PDYN: variants seen among roughly 807,000 people sequenced by gnomAD.
The protein encoded by PDYN is proenkephalin-B.
Under a neutral mutation model 11.4 loss-of-function variants are expected in PDYN, and 5 were observed. That is an observed-to-expected ratio of 0.44 (90% CI 0.23 to 0.92). The LOEUF is 0.92. Ranked by LOEUF, PDYN falls within the 40% of genes least tolerant of loss-of-function variation. The pLI, the probability that PDYN is intolerant of heterozygous loss-of-function variation, is 0.24. For missense variants in PDYN, 337 were observed against 317.3 expected, an observed-to-expected ratio of 1.06 and a Z score of -0.47; for synonymous variants, 132 against 129.5, an observed-to-expected ratio of 1.02 and a Z score of -0.13.
intron 2 of PDYN, among the ~76,000 whole-genome samples, chr20:1,987,820 A>G (rs1489760642): frequency 6.6e-6 from 1 of 152,224 alleles, no homozygotes; most frequent in Non-Finnish European, 1.5e-5. Context: ...AACTAAATAA[A>G]TGATCACATT....
chr20:1,983,684 C>G (rs979341169), intron 2 of PDYN, among the ~76,000 whole-genome samples: 18 of 152,182 alleles, frequency 1.2e-4, no homozygotes, highest in African/African-American at 4.3e-4. Flanking sequence ...CTGCTGGCCT[C>G]CCTGCCTGCC....
At chr20:1,990,461 A>G (rs1051503985) in intron 2 of PDYN, among the ~76,000 whole-genome samples, 1 of 152,216 alleles carries the variant, frequency 6.6e-6, no homozygotes, top group African/African-American at 2.4e-5. Context: ...GCCCCTTGTT[A>G]GGTGTTAGCA....
chr20:1,981,496 G>C (rs1187573124), intron 3 of PDYN, among the ~76,000 whole-genome samples: 1 of 152,138 alleles, frequency 6.6e-6, no homozygotes, highest in Non-Finnish European at 1.5e-5. Context: ...GATGACAATA[G>C]CAAAGAATAT....
At chr20:1,989,875 G>C (rs1988356990) in intron 2 of PDYN, among the ~76,000 whole-genome samples, 1 of 152,132 alleles carries the variant, frequency 6.6e-6, no homozygotes, top group Non-Finnish European at 1.5e-5. Flanking sequence ...AGCCAGCAAG[G>C]ACTGAGACGC....
intron 3 of PDYN, 96 bp downstream of exon 3, chr20:1,982,860 C>T (rs1987912700): frequency 7.4e-7 from 1 of 1,346,008 alleles, no homozygotes; most frequent in African/African-American, 1.4e-5. Flanking sequence ...ATCTACAAGA[C>T]AGCACACAGC....
rs775707457 is a variant in PDYN at position 1,980,847 on chromosome 20, C to G, written c.241G>C (p.Asp81His). 1 of 1,614,226 alleles carries G rather than the reference C, an allele frequency of 6.2e-7. No homozygotes were observed. Among genetic ancestry groups the G allele is most frequent in the Non-Finnish European group, 8.5e-7 (1 of 1,180,048 alleles). The part of the protein sequence containing the change: ...PSTLGLNDKE[D>H]LGSKSVGEGP... ...TCCCCAACCGACTTGCTCCCCAAGT[C>G]CTCCTTGTCATTGAGCCCAAGGGTG... is the stretch of plus-strand genomic sequence containing the variant. Residue 81 changes from aspartate (D) to histidine (H), a missense_variant, in exon 4 of 4, where the codon GAC (aspartate) becomes CAC (histidine). Transcript: ENST00000217305.
At chr20:1,988,261 G>A (rs1988279174) in intron 2 of PDYN, among the ~76,000 whole-genome samples, 1 of 152,202 alleles carries the variant, frequency 6.6e-6, no homozygotes, top group Non-Finnish European at 1.5e-5. Context: ...AAGTTCACCT[G>A]GAGTTATGAA....
At chr20:1,985,922 G>T (rs1988156830) in intron 2 of PDYN, among the ~76,000 whole-genome samples, 1 of 152,154 alleles carries the variant, frequency 6.6e-6, no homozygotes, top group Admixed American at 6.5e-5. Context: ...CTGGGGAGGG[G>T]GCGCCTACCA....
intron 2 of PDYN, among the ~76,000 whole-genome samples, chr20:1,989,012 C>T (rs58341700): frequency 2.5e-4 from 38 of 152,252 alleles, no homozygotes; most frequent in African/African-American, 8.7e-4. Context: ...GACTGTAGGG[C>T]CAAGAAAGCC....
chr20:1,985,207 C>G (rs910409603), intron 2 of PDYN, among the ~76,000 whole-genome samples: 4 of 152,136 alleles, frequency 2.6e-5, no homozygotes, highest in Admixed American at 2.6e-4. Flanking sequence ...CAGAACCCCA[C>G]GCTGTAGCCA....
intron 2 of PDYN, among the ~76,000 whole-genome samples, chr20:1,991,896 G>A (rs1988465220): frequency 6.6e-6 from 1 of 152,178 alleles, no homozygotes; most frequent in South Asian, 2.1e-4. Context: ...GATGGGGAGG[G>A]GAAAGGAGCA....
At chr20:1,982,546 G>T (rs576989691) in intron 3 of PDYN, among the ~76,000 whole-genome samples, 3 of 152,304 alleles carry the variant, frequency 2.0e-5, no homozygotes, top group Admixed American at 2.0e-4. Flanking sequence ...CTGTCAGCCA[G>T]ATCTTTGCAT....
At chr20:1,985,867 G>A (rs1988153369) in intron 2 of PDYN, among the ~76,000 whole-genome samples, 1 of 152,180 alleles carries the variant, frequency 6.6e-6, no homozygotes, top group South Asian at 2.1e-4. Context: ...TGATATCAGT[G>A]ATGGCTGGGC....
chr20:1,988,356 T>C lies in PDYN; in HGVS notation c.-20+4228A>G, dbSNP rs7351823. On this transcript the variant is annotated intron_variant, in intron 2 of 3. Coordinates refer to ENST00000217305, the MANE Select transcript of PDYN (RefSeq NM_024411.5). ...ACATTGGCCCTCACAATTTCATAGG[T>C]GATCCTATTTCCTTCCTTTTATAGG... is the stretch of plus-strand genomic sequence containing the variant. 6.1e-3 allele frequency among the ~76,000 whole-genome samples: 925 copies of C among 152,262 alleles called. 9 individuals carry two copies. Among genetic ancestry groups the C allele is most frequent in the Non-Finnish European group, 7.2e-3 (487 of 68,006 alleles).
At chr20:1,985,703 G>C (rs60925214) in intron 2 of PDYN, among the ~76,000 whole-genome samples, 2 of 152,058 alleles carry the variant, frequency 1.3e-5, no homozygotes, top group Non-Finnish European at 2.9e-5. Flanking sequence ...TGGCAAGGTC[G>C]GCTCCCCTGA....
At chr20:1,993,432 A>G (rs1432424019) in intron 1 of PDYN, among the ~76,000 whole-genome samples, 1 of 152,234 alleles carries the variant, frequency 6.6e-6, no homozygotes, top group Non-Finnish European at 1.5e-5. Flanking sequence ...CTGGCCGTAC[A>G]TTGATGTACA....
In PDYN at chr20:1,980,422, G is replaced by A. The variant is rs781181364; in HGVS notation, c.666C>T (p.Asn222=). 6.2e-7 allele frequency: 1 copy of A among 1,614,138 alleles called. No homozygotes were observed. The highest frequency in any genetic ancestry group is 8.5e-7 in the Non-Finnish European group (1 of 1,180,030). Residue 222 remains asparagine (N), a synonymous_variant, in exon 4 of 4, where the codon AAC becomes AAT. Coordinates refer to ENST00000217305, the MANE Select transcript of PDYN (RefSeq NM_024411.5). The stretch of plus-strand genomic sequence containing the variant: ...GGAGAAAACCGCCATAGCGCTTCTG[G>A]TTGTCCCACTTGAGCTTGGGACGAA... ...RRIRPKLKWD[N]QKRYGGFLRR... is the part of the protein sequence containing the mutation.
At chr20:1,990,824 G>A (rs895973608) in intron 2 of PDYN, among the ~76,000 whole-genome samples, 49 of 151,966 alleles carry the variant, frequency 3.2e-4, no homozygotes, top group Non-Finnish European at 1.0e-4. Flanking sequence ...TAAAAAGAGA[G>A]AGTTAGAGAT....
rs1988558348 is a variant in PDYN at position 1,993,939 on chromosome 20, TC to T, written c.-109del. 1 of 153,530 alleles carries T rather than the reference TC, an allele frequency of 6.5e-6. No homozygotes were observed. The highest frequency in any genetic ancestry group is 2.1e-4 in the South Asian group (1 of 4,834). 9.5% of individuals were successfully genotyped at this position (153,530 alleles called of 1,614,324 possible). A position where few individuals can be genotyped will look rare whatever the true frequency, so the allele number is the denominator to read the frequency against. ...CACTCTGCTTTGTCCCTGGGCAGCT[TC>T]TGGCCGAGCAGGTCGGAGGTGGCAG... On this transcript the variant is annotated 5_prime_UTR_variant, in exon 1 of 4. Transcript: ENST00000217305.
Sources: gnomAD v4.1 joint callset for allele counts (sites outside exome capture counted in the v4.1 genomes callset) on GRCh38, gnomAD v4.1.1 for gene constraint, MANE v1.5 for transcripts, NCBI Gene and HGNC (gene_info 2026-07-23, HGNC 2026-07-21) for gene names.